LATS2: variants seen among roughly 807,000 people sequenced by gnomAD.
The protein encoded by LATS2 is serine/threonine-protein kinase LATS2.
In LATS2, 24 loss-of-function variants were observed where a neutral mutation model predicts 76.0. That is an observed-to-expected ratio of 0.32 (90% CI 0.23 to 0.44). The LOEUF (loss-of-function observed/expected upper bound fraction) is 0.44, where lower values mean the gene tolerates loss of function less well. Ranked by LOEUF, LATS2 falls within the 20% of genes least tolerant of loss-of-function variation. The probability of loss-of-function intolerance (pLI) is 1.00; values close to 1 mark genes in which losing one functional copy is unlikely to be tolerated. For synonymous variants in LATS2, 692 were observed against 635.4 expected, an observed-to-expected ratio of 1.09 and a Z score of -1.34; for missense variants, 1,286 against 1,481.2, an observed-to-expected ratio of 0.87 and a Z score of 2.16.
Position 20,988,988 on chromosome 13 carries a change from G to A in LATS2, c.792C>T (p.Pro264=), listed in dbSNP as rs776667323. The A allele has an allele frequency of 3.9e-6, 6 of 1,544,068 alleles. No individual in the cohort carries two copies. The African/African-American group carries it at 8.2e-5, about 21-fold the overall frequency. ...GRPHLLVPGE[P]LGYGVQRSPS... ...GGCTGCGCTGCACTCCGTAGCCCAGGGGTTCCCCAGGCACCAGCAGGTGCG... is the reference window on the plus strand; with the variant it reads ...GGCTGCGCTGCACTCCGTAGCCCAGAGGTTCCCCAGGCACCAGCAGGTGCG... The change falls in exon 4 of 8, where the codon CCC becomes CCT. Residue 264 remains proline (P), a synonymous_variant. Transcript: ENST00000382592.
In LATS2 at chr13:21,007,756, A is replaced by AT. The variant is rs1356394117; in HGVS notation, c.343-16353dup. ...ATATAGTATATATATATATATATAT[A>AT]TATATTTTTTTTTTTTTTTTGAGAT... On this transcript the variant is annotated intron_variant, in intron 2 of 7. Coordinates refer to ENST00000382592, the MANE Select transcript of LATS2 (RefSeq NM_014572.3). Among the ~76,000 whole-genome samples, 11 of 5,952 alleles carry AT rather than the reference A, an allele frequency of 1.8e-3. 3 individuals carry two copies. The highest frequency in any genetic ancestry group is 6.1e-3 in the Admixed American group (2 of 330). The allele number at this position is 5,952 out of a possible 152,430, so 3.9% of individuals were successfully genotyped here.
At position 20,989,224 on chromosome 13, in the gene LATS2, G is replaced by T. The variant is rs375149933; in HGVS notation, c.556C>A (p.Leu186Met). The change falls in exon 4 of 8, where the codon CTG (leucine) becomes ATG (methionine). Residue 186 changes from leucine to methionine, a missense_variant. By Grantham distance (15) the Leu-to-Met change is conservative. This residue lies in a region of LATS2 where 710 missense variants were observed against 660.9 expected (regional missense o/e 1.07). Coordinates refer to ENST00000382592, the MANE Select transcript of LATS2 (RefSeq NM_014572.3). ...TGDSFASYHQ[L>M]SGTPYEGPSF... ...GGGCCCTCGTAGGGGGTACCGCTCA[G>T]CTGGTGGTAGGACGCAAACGAATCG... 1.7e-5 allele frequency: 27 copies of T among 1,613,830 alleles called. No individual in the cohort carries two copies. Among genetic ancestry groups the T allele is most frequent in the Non-Finnish European group, 2.3e-5 (27 of 1,180,038 alleles).
intron 7 of LATS2, among the ~76,000 whole-genome samples, chr13:20,976,294 G>A (rs977256632): frequency 1.3e-5 from 2 of 152,180 alleles, no homozygotes; most frequent in African/African-American, 2.4e-5. Context: ...GTGGGTGGTA[G>A]GCTTGGTTTG....
intron 4 of LATS2, among the ~76,000 whole-genome samples, chr13:20,986,244 T>G (rs1595213718): frequency 6.6e-6 from 1 of 152,152 alleles, no homozygotes; most frequent in East Asian, 1.9e-4. Context: ...AGAACTACCA[T>G]ACAATCTACC....
At chr13:21,040,076 A>G (rs572747878) in intron 2 of LATS2, among the ~76,000 whole-genome samples, 59 of 151,110 alleles carry the variant, frequency 3.9e-4, no homozygotes, top group Non-Finnish European at 7.5e-4. Context: ...TCCATCTCAA[A>G]AAAAAAAAAA....
At chr13:21,019,951 G>A (rs1184297895) in intron 2 of LATS2, among the ~76,000 whole-genome samples, 1 of 147,388 alleles carries the variant, frequency 6.8e-6, no homozygotes. Context: ...CCCAGCCTGC[G>A]TAACAGGAGT....
Position 20,988,532 on chromosome 13 carries a change from G to A in LATS2, c.1248C>T (p.Pro416=), listed in dbSNP as rs530064931. ...AGGGCTCGGCCTTGCCAGGCGGACC[G>A]GGCCGCGGCTGGTGGCTGTTGAAGG... ...TNSFNSHQPR[P]GPPGKAEPSL... The change falls in exon 4 of 8, where the codon CCC becomes CCT. Residue 416 remains proline, a synonymous_variant. Transcript: ENST00000382592. 18 of 1,571,692 alleles carry A rather than the reference G, an allele frequency of 1.1e-5. No homozygotes were observed. In the South Asian group the frequency reaches 1.5e-4, roughly 13 times the overall value.
chr13:21,059,877 A>C (rs1452447028), intron 1 of LATS2, among the ~76,000 whole-genome samples: 3 of 148,846 alleles, frequency 2.0e-5, no homozygotes, highest in African/African-American at 7.4e-5. Flanking sequence ...AGGCAGGAGA[A>C]TCGCTCGAAC....
Position 21,046,157 on chromosome 13 carries a change from T to C in LATS2, c.-131A>G, listed in dbSNP as rs185122509. 4.0e-5 allele frequency: 29 copies of C among 732,152 alleles called. No individual in the cohort carries two copies. Among genetic ancestry groups the C allele is most frequent in the African/African-American group, 3.9e-4 (22 of 56,564 alleles). 45.4% of individuals were successfully genotyped at this position (732,152 alleles called of 1,614,324 possible). On this transcript the variant is annotated 5_prime_UTR_variant, in exon 2 of 8. Transcript: ENST00000382592. ...AAATAATTTCCTTTTGAAAATGTTC[T>C]TTCCTTCCATTTTTGTAGTTCCTAT...
At chr13:21,028,379 G>T (rs571688039) in intron 2 of LATS2, among the ~76,000 whole-genome samples, 1 of 151,976 alleles carries the variant, frequency 6.6e-6, no homozygotes. Flanking sequence ...GAATAGTGCC[G>T]CAATAAACAT....
chr13:20,986,863 CAT>C (rs754966041), intron 4 of LATS2, among the ~76,000 whole-genome samples: 26 of 152,284 alleles, frequency 1.7e-4, no homozygotes, highest in Admixed American at 3.9e-4. Context: ...CAAAATATCA[CAT>C]GTTCCCCACA....
intron 1 of LATS2, among the ~76,000 whole-genome samples, chr13:21,056,279 T>TCC (rs1199632412): frequency 6.6e-6 from 1 of 151,144 alleles, no homozygotes; most frequent in Non-Finnish European, 1.5e-5. Flanking sequence ...ACTCAAGTGA[T>TCC]CCCCCCGCCT....
intron 2 of LATS2, among the ~76,000 whole-genome samples, chr13:21,029,155 T>C (rs542217688): frequency 1.1e-4 from 17 of 152,336 alleles, no homozygotes; most frequent in African/African-American, 3.6e-4. Flanking sequence ...TTACTAATCT[T>C]AGAGGCAAGT....
intron 7 of LATS2, among the ~76,000 whole-genome samples, chr13:20,978,958 C>T (rs947460499): frequency 1.1e-4 from 17 of 152,100 alleles, no homozygotes; most frequent in Non-Finnish European, 2.2e-4. Context: ...AGACGGGTTT[C>T]GCCATGTTGC....
chr13:21,031,320 AT>A (rs1224404026), intron 2 of LATS2, among the ~76,000 whole-genome samples: 1 of 152,126 alleles, frequency 6.6e-6, no homozygotes, highest in African/African-American at 2.4e-5. Flanking sequence ...TTGGATTTCA[AT>A]TTCACATATA....
intron 3 of LATS2, among the ~76,000 whole-genome samples, chr13:20,990,173 C>T (rs1399283626): frequency 2.6e-5 from 4 of 152,176 alleles, no homozygotes; most frequent in African/African-American, 7.2e-5. Flanking sequence ...CAGAAGACGT[C>T]AGTGAAGAGA....
rs761146064 is a variant in LATS2 at position 20,989,283 on chromosome 13, G to C, written c.497C>G (p.Pro166Arg). 6.2e-7 allele frequency: 1 copy of C among 1,613,960 alleles called. No homozygotes were observed. Among genetic ancestry groups the C allele is most frequent in the East Asian group, 2.2e-5 (1 of 44,884 alleles). Residue 166 changes from proline (P) to arginine (R), a missense_variant, in exon 4 of 8, where the codon CCA (proline) becomes CGA (arginine). Pro to Arg is a moderately radical substitution (Grantham distance 103). Coordinates refer to ENST00000382592, the MANE Select transcript of LATS2 (RefSeq NM_014572.3). ...TTCGAAGCTGGGCCTCCGCGTCACTGGGGTTGGCATGAGCCCCTTTCCTGC... is the reference window on the plus strand; with the variant it reads ...TTCGAAGCTGGGCCTCCGCGTCACTCGGGTTGGCATGAGCCCCTTTCCTGC... Reference protein sequence around the residue: ...TSPGKGLMPTPVTRRPSFEGT... With the variant: ...TSPGKGLMPTRVTRRPSFEGT...
At chr13:21,059,118 C>A (rs1185566869) in intron 1 of LATS2, among the ~76,000 whole-genome samples, 1 of 152,166 alleles carries the variant, frequency 6.6e-6, no homozygotes, top group South Asian at 2.1e-4. Flanking sequence ...TGTGATTTCC[C>A]ATTCAAATTT....
chr13:20,985,234 A>C (rs568734603), intron 4 of LATS2, among the ~76,000 whole-genome samples: 1 of 152,352 alleles, frequency 6.6e-6, no homozygotes, highest in East Asian at 1.9e-4. Flanking sequence ...AAATCTCAAA[A>C]GCACAGGCAA....
Sources: allele counts gnomAD v4.1 joint callset (sites outside exome capture counted in the v4.1 genomes callset), GRCh38; gene constraint gnomAD v4.1.1; regional missense constraint gnomAD v4.1.1; transcripts MANE v1.5; gene names NCBI Gene and HGNC (gene_info 2026-07-23, HGNC 2026-07-21).